HEPACAM2: variants seen among roughly 807,000 people sequenced by gnomAD.
The protein encoded by HEPACAM2 is HEPACAM family member 2.
A neutral mutation model predicts 49.6 loss-of-function variants in HEPACAM2; 49 were observed. That is an observed-to-expected ratio of 0.99 (90% CI 0.78 to 1.25). HEPACAM2 has a LOEUF of 1.25. HEPACAM2 is among the 50% of genes most tolerant of loss of function. The pLI, the probability that HEPACAM2 is intolerant of heterozygous loss-of-function variation, is 0.00. For synonymous variants in HEPACAM2, 197 were observed against 202.9 expected (o/e 0.97, Z 0.25); for missense variants, 525 against 557.2 (o/e 0.94, Z 0.58).
At chr7:93,216,221 T>C (rs1210249201) in intron 2 of HEPACAM2, among the ~76,000 whole-genome samples, 1 of 152,220 alleles carries the variant, frequency 6.6e-6, no homozygotes, top group Non-Finnish European at 1.5e-5. Flanking sequence ...ATTCTTTCTA[T>C]GTATGTCATG....
At chr7:93,208,978 T>C in intron 3 of HEPACAM2, 102 bp from the exon 4 acceptor site, 1 of 1,006,060 alleles carries the variant, frequency 9.9e-7, no homozygotes, top group Non-Finnish European at 1.4e-6. Flanking sequence ...TTGAAAATTT[T>C]CATCTTAGAA....
intron 3 of HEPACAM2, among the ~76,000 whole-genome samples, chr7:93,209,347 A>T (rs77261097): frequency 5.9e-5 from 9 of 152,012 alleles, no homozygotes; most frequent in Non-Finnish European, 8.8e-5. Flanking sequence ...TTTTGATCAC[A>T]TGTTTTGATA....
intron 4 of HEPACAM2, among the ~76,000 whole-genome samples, chr7:93,204,053 G>C (rs1220257635): frequency 1.3e-5 from 2 of 152,134 alleles, no homozygotes; most frequent in Non-Finnish European, 2.9e-5. Context: ...ATCTTGACTT[G>C]AGAAATTTCC....
At chr7:93,228,504 GAA>G (rs908298786), upstream of HEPACAM2, among the ~76,000 whole-genome samples, 2 of 152,080 alleles carry the variant, frequency 1.3e-5, no homozygotes, top group African/African-American at 2.4e-5. Flanking sequence ...CAGGAAGTGA[GAA>G]AAAGAGTGCT....
intron 3 of HEPACAM2, 77 bp downstream of exon 3, chr7:93,215,324 T>A: frequency 7.3e-7 from 1 of 1,369,604 alleles, no homozygotes; most frequent in Non-Finnish European, 1.0e-6. Flanking sequence ...GGTACTTATA[T>A]TCTCTGTGAC....
intron 2 of HEPACAM2, 99 bp downstream of exon 2, chr7:93,219,002 T>C: frequency 1.0e-6 from 1 of 953,250 alleles, no homozygotes; most frequent in East Asian, 2.4e-5. Context: ...TTGTGCAAAG[T>C]TGTGAAGCCA....
At chr7:93,228,534 A>G (rs1794578649), upstream of HEPACAM2, among the ~76,000 whole-genome samples, 1 of 150,584 alleles carries the variant, frequency 6.6e-6, no homozygotes, top group South Asian at 2.1e-4. Context: ...AACTTCAACA[A>G]TTGTTAATTT....
intron 3 of HEPACAM2, among the ~76,000 whole-genome samples, chr7:93,209,753 A>T (rs577181523): frequency 6.6e-6 from 1 of 151,982 alleles, no homozygotes; most frequent in Admixed American, 6.6e-5. Flanking sequence ...CTCTTTAACA[A>T]CCATACTTTC....
intron 1 of HEPACAM2, chr7:93,225,823 T>C: frequency 1.4e-6 from 1 of 730,590 alleles, no homozygotes; most frequent in South Asian, 2.3e-5. Context: ...GGAGTAACAA[T>C]CTTTTCAAAT....
At chr7:93,216,755 A>G (rs889822437) in intron 2 of HEPACAM2, among the ~76,000 whole-genome samples, 2 of 152,184 alleles carry the variant, frequency 1.3e-5, no homozygotes, top group Non-Finnish European at 2.9e-5. Context: ...TCTATGTATG[A>G]CTACATGACA....
intron 3 of HEPACAM2, among the ~76,000 whole-genome samples, chr7:93,214,231 G>A (rs1013998868): frequency 3.9e-5 from 6 of 152,094 alleles, no homozygotes; most frequent in African/African-American, 9.7e-5. Flanking sequence ...AAATGAATAA[G>A]TAAGTGAATG....
chr7:93,221,305 C>A (rs764069877), intron 1 of HEPACAM2, among the ~76,000 whole-genome samples: 2 of 152,108 alleles, frequency 1.3e-5, no homozygotes, highest in Non-Finnish European at 2.9e-5. Context: ...CCTCTTTGAT[C>A]GCTTCCACTT....
At chr7:93,196,067 G>A (rs964871729) in intron 7 of HEPACAM2, among the ~76,000 whole-genome samples, 166 bp from the exon 8 acceptor site, 1 of 152,106 alleles carries the variant, frequency 6.6e-6, no homozygotes, top group Admixed American at 6.5e-5. Flanking sequence ...AGCAGTGTTG[G>A]AAATCACTCT....
At chr7:93,225,332 T>C (rs1794519860) in intron 1 of HEPACAM2, among the ~76,000 whole-genome samples, 1 of 152,106 alleles carries the variant, frequency 6.6e-6, no homozygotes, top group Admixed American at 6.6e-5. Context: ...AATACTGTGA[T>C]AACTGGAACA....
At chr7:93,189,728 A>G (rs553180327) in intron 9 of HEPACAM2, among the ~76,000 whole-genome samples, 2 of 152,126 alleles carry the variant, frequency 1.3e-5, no homozygotes, top group Admixed American at 1.3e-4. Context: ...ATTTTACAAC[A>G]GTCTAAGAGC....
At chr7:93,192,663 G>C (rs946877784) in intron 8 of HEPACAM2, among the ~76,000 whole-genome samples, 4 of 151,974 alleles carry the variant, frequency 2.6e-5, no homozygotes, top group Non-Finnish European at 4.4e-5. Context: ...AGAAAAAATA[G>C]CAAAAGAGAA....
intron 1 of HEPACAM2, among the ~76,000 whole-genome samples, chr7:93,220,954 G>A (rs17165171): frequency 0.083 from 12,653 of 152,088 alleles, 798 homozygotes; most frequent in African/African-American, 0.18. Flanking sequence ...CGTAATAGAG[G>A]AGAGAGTGAG....
intron 8 of HEPACAM2, among the ~76,000 whole-genome samples, chr7:93,193,732 C>A (rs969474925): frequency 6.6e-6 from 1 of 152,058 alleles, no homozygotes; most frequent in Non-Finnish European, 1.5e-5. Flanking sequence ...CACCGTGGCA[C>A]CTAGCTTATT....
At position 93,197,507 on chromosome 7, in the gene HEPACAM2, CCAT is replaced by C. The variant is rs1402290810; in HGVS notation, c.1113_1115del (p.Trp372del). 6.3e-7 allele frequency: 1 copy of C among 1,589,342 alleles called. No individual in the cohort carries two copies. The highest frequency in any genetic ancestry group is 8.6e-7 in the Non-Finnish European group (1 of 1,164,892). On this transcript the variant is annotated inframe_deletion, in exon 5 of 10. Coordinates refer to ENST00000394468, the MANE Select transcript of HEPACAM2 (RefSeq NM_001039372.4). ...TACCTTTGTAGGGTTGATATTTTTT[CCAT>C]AGGAAGAGAAGACACATGGATATAA...
Sources: gnomAD v4.1 joint callset for allele counts (sites outside exome capture counted in the v4.1 genomes callset) on GRCh38, gnomAD v4.1.1 for gene constraint, MANE v1.5 for transcripts, NCBI Gene and HGNC (gene_info 2026-07-23, HGNC 2026-07-21) for gene names.